The following EXOC6B variants were observed in gnomAD, a reference collection of about 807,000 sequenced individuals.
The protein encoded by EXOC6B is exocyst complex component 6B.
EXOC6B carries 54 observed loss-of-function variants against 113.5 expected under a neutral mutation model. The observed-to-expected ratio is 0.48, with a 90% CI of 0.38 to 0.60. EXOC6B has a LOEUF of 0.60. EXOC6B is among the 20% of genes least tolerant of loss of function. EXOC6B has a pLI of 0.00. For synonymous variants in EXOC6B, 357 were observed against 339.0 expected, an observed-to-expected ratio of 1.05 and a Z score of -0.58; for missense variants, 797 against 977.5, an observed-to-expected ratio of 0.82 and a Z score of 2.46.
In EXOC6B at chr2:72,699,148, A is replaced by G. The variant is rs548190264; in HGVS notation, c.669+18955T>C. The stretch of plus-strand genomic sequence containing the variant: ...TTGCTACAGATAGCTCCCTTCTCCA[A>G]AGTTAATAGAAGAAACTCTGCTTGA... On this transcript the variant is annotated intron_variant, in intron 6 of 21. Coordinates refer to ENST00000272427, the MANE Select transcript of EXOC6B (RefSeq NM_015189.3). Among the ~76,000 whole-genome samples, 89 of 152,312 alleles carry G rather than the reference A, an allele frequency of 5.8e-4. 1 individual carries two copies. Among genetic ancestry groups the G allele is most frequent in the African/African-American group, 2.0e-3 (85 of 41,572 alleles).
At chr2:72,260,101 G>C (rs1187235280) in intron 20 of EXOC6B, among the ~76,000 whole-genome samples, 5 of 151,956 alleles carry the variant, frequency 3.3e-5, no homozygotes, top group Non-Finnish European at 5.9e-5. Flanking sequence ...AAAAGGAAGA[G>C]AGAAAGAAAG....
intron 18 of EXOC6B, among the ~76,000 whole-genome samples, chr2:72,380,453 C>T (rs1306791008): frequency 6.6e-6 from 1 of 152,126 alleles, no homozygotes; most frequent in African/African-American, 2.4e-5. Context: ...TCCTGGCTAA[C>T]ACGGTGAAAC....
At chr2:72,529,090 A>G (rs2105747144) in intron 8 of EXOC6B, among the ~76,000 whole-genome samples, 1 of 152,272 alleles carries the variant, frequency 6.6e-6, no homozygotes, top group Non-Finnish European at 1.5e-5. Flanking sequence ...ATATTGAATA[A>G]AAGTTGTGAG....
intron 7 of EXOC6B, among the ~76,000 whole-genome samples, chr2:72,566,240 T>C (rs530659910): frequency 1.3e-5 from 2 of 152,310 alleles, no homozygotes; most frequent in African/African-American, 4.8e-5. Context: ...TCTCTAGAGT[T>C]TTGACTTTTT....
intron 8 of EXOC6B, among the ~76,000 whole-genome samples, chr2:72,551,086 T>C (rs1234687106): frequency 2.0e-5 from 3 of 152,132 alleles, no homozygotes; most frequent in African/African-American, 7.2e-5. Context: ...GTAATTATTA[T>C]CCTATTTCAT....
intron 8 of EXOC6B, among the ~76,000 whole-genome samples, chr2:72,542,338 A>G (rs1702651172): frequency 6.6e-6 from 1 of 152,184 alleles, no homozygotes; most frequent in Non-Finnish European, 1.5e-5. Context: ...TTGAATAGGG[A>G]CAGGCGAAGA....
At chr2:72,777,816 G>A (rs1384867001) in intron 1 of EXOC6B, among the ~76,000 whole-genome samples, 1 of 151,902 alleles carries the variant, frequency 6.6e-6, no homozygotes, top group South Asian at 2.1e-4. Context: ...AAGGACAAAT[G>A]GAGCTATATA....
chr2:72,624,024 G>A (rs1002030494), intron 6 of EXOC6B, among the ~76,000 whole-genome samples: 3 of 152,260 alleles, frequency 2.0e-5, no homozygotes, highest in South Asian at 2.1e-4. Flanking sequence ...ACTAAATGCC[G>A]AAAGACAATT....
chr2:72,730,857 A>G (rs1474841953), intron 5 of EXOC6B, 150 bp downstream of exon 5: 2 of 545,902 alleles, frequency 3.7e-6, no homozygotes, highest in Non-Finnish European at 6.4e-6. Context: ...ATATATATAA[A>G]TAAATCTAGA....
At chr2:72,271,408 A>G (rs1684474251) in intron 20 of EXOC6B, among the ~76,000 whole-genome samples, 1 of 152,068 alleles carries the variant, frequency 6.6e-6, no homozygotes, top group African/African-American at 2.4e-5. Flanking sequence ...CTTGAGAGTC[A>G]AAGTCTGTCA....
intron 6 of EXOC6B, among the ~76,000 whole-genome samples, chr2:72,686,539 A>T (rs2104569189): frequency 6.6e-6 from 1 of 152,312 alleles, no homozygotes; most frequent in Non-Finnish European, 1.5e-5. Context: ...AGTATGTGAA[A>T]AGTCCGGGTT....
intron 6 of EXOC6B, among the ~76,000 whole-genome samples, chr2:72,604,794 C>T (rs927224485): frequency 1.3e-5 from 2 of 152,222 alleles, no homozygotes; most frequent in Middle Eastern, 3.4e-3. Flanking sequence ...AAAACACTTC[C>T]TAGTTAATAA....
chr2:72,613,815 C>T (rs778251657), intron 6 of EXOC6B, among the ~76,000 whole-genome samples: 4 of 151,520 alleles, frequency 2.6e-5, no homozygotes, highest in Non-Finnish European at 5.9e-5. Flanking sequence ...TGGCCTATAG[C>T]TGGGGTCAGG....
At chr2:72,459,299 C>T (rs1195646648) in intron 18 of EXOC6B, among the ~76,000 whole-genome samples, 2 of 152,180 alleles carry the variant, frequency 1.3e-5, no homozygotes, top group African/African-American at 4.8e-5. Context: ...TGGCACAAGA[C>T]AGGGATGCCC....
chr2:72,637,717 G>T (rs1251666555), intron 6 of EXOC6B, among the ~76,000 whole-genome samples: 5 of 151,790 alleles, frequency 3.3e-5, no homozygotes. Flanking sequence ...TTGAGCCCAG[G>T]AGGTGGAGGT....
At chr2:72,453,000 T>A (rs1044771388) in intron 18 of EXOC6B, among the ~76,000 whole-genome samples, 1 of 152,150 alleles carries the variant, frequency 6.6e-6, no homozygotes, top group African/African-American at 2.4e-5. Flanking sequence ...GAAACCTCAA[T>A]TCAACAGCAC....
rs114892158 is a variant in EXOC6B, at chr2:72,278,034, C to T, written c.2196+56913G>A. 2.6e-3 allele frequency among the ~76,000 whole-genome samples: 396 copies of T among 152,160 alleles called. 1 individual carries two copies. The highest frequency in any genetic ancestry group is 8.9e-3 in the African/African-American group (370 of 41,500). Reference sequence around the variant, plus strand: ...AGGCGGGAGCTTTGGCCTGTTTATACGTTCTTCTCATAAGTCACAGCCCAT... The same window carrying T: ...AGGCGGGAGCTTTGGCCTGTTTATATGTTCTTCTCATAAGTCACAGCCCAT... On this transcript the variant is annotated intron_variant, in intron 20 of 21. Transcript: ENST00000272427.
In EXOC6B at chr2:72,314,670, GT is replaced by G. The variant is rs573792808; in HGVS notation, c.2196+20276del. 3.9e-3 allele frequency among the ~76,000 whole-genome samples: 594 copies of G among 152,276 alleles called. 4 individuals carry two copies. Among genetic ancestry groups the G allele is most frequent in the African/African-American group, 0.014 (567 of 41,552 alleles). ...TCTCTACTTCATAGAAAGGTATGGAGTTTATATCCGATATGTACAACAAACT... is the reference window on the plus strand; with the variant it reads ...TCTCTACTTCATAGAAAGGTATGGAGTTATATCCGATATGTACAACAAACT... On this transcript the variant is annotated intron_variant, in intron 20 of 21. Coordinates refer to ENST00000272427, the MANE Select transcript of EXOC6B (RefSeq NM_015189.3).
In EXOC6B at chr2:72,294,492, T is replaced by A. The variant is rs545044104; in HGVS notation, c.2196+40455A>T. Among the ~76,000 whole-genome samples the A allele has an allele frequency of 2.6e-5, 4 of 152,286 alleles. No homozygotes were observed. The East Asian group carries it at 7.7e-4, about 29-fold the overall frequency. On this transcript the variant is annotated intron_variant, in intron 20 of 21. Coordinates refer to ENST00000272427, the MANE Select transcript of EXOC6B (RefSeq NM_015189.3). Reference sequence around the variant, plus strand: ...GTAGAGACGGGGTCTCATTATGGGTTGCCCAGGCTGCGTTTTATTTTTCTT... The same window carrying A: ...GTAGAGACGGGGTCTCATTATGGGTAGCCCAGGCTGCGTTTTATTTTTCTT...
Sources: gnomAD v4.1 joint callset for allele counts (sites outside exome capture counted in the v4.1 genomes callset) on GRCh38, gnomAD v4.1.1 for gene constraint, MANE v1.5 for transcripts, NCBI Gene and HGNC (gene_info 2026-07-23, HGNC 2026-07-21) for gene names.